The following ZNF618 variants were observed in gnomAD, a reference collection of about 807,000 sequenced individuals.
The protein encoded by ZNF618 is neural precursor cell expressed, developmentally down-regulated 10.
Under a neutral mutation model 103.0 loss-of-function variants are expected in ZNF618, and 34 were observed. That is an observed-to-expected ratio of 0.33 (90% confidence interval 0.25 to 0.44). ZNF618 has a LOEUF of 0.44. ZNF618 is among the 20% of genes least tolerant of loss of function. The pLI, the probability that ZNF618 is intolerant of heterozygous loss-of-function variation, is 1.00. For missense variants in ZNF618, 1,059 were observed against 1,295.4 expected, an observed-to-expected ratio of 0.82 and a Z score of 2.80; for synonymous variants, 551 against 542.2, an observed-to-expected ratio of 1.02 and a Z score of -0.23.
chr9:114,005,934 T>C (rs1166098125), intron 6 of ZNF618, among the ~76,000 whole-genome samples: 1 of 152,202 alleles, frequency 6.6e-6, no homozygotes, highest in East Asian at 1.9e-4. Context: ...CCTTGCCACC[T>C]CTTTCTTGGA....
intron 1 of ZNF618, among the ~76,000 whole-genome samples, chr9:113,883,997 C>A (rs978050911): frequency 1.9e-5 from 1 of 52,436 alleles, no homozygotes; most frequent in East Asian, 4.2e-4. Context: ...CCCCCCCCCC[C>A]CCCCCGCCCT....
At chr9:114,028,525 C>T (rs943764711) in intron 10 of ZNF618, 1 of 740,608 alleles carries the variant, frequency 1.4e-6, no homozygotes, top group African/African-American at 1.8e-5. Context: ...TTGGTGGCCT[C>T]CAGATAACTA....
intron 10 of ZNF618, among the ~76,000 whole-genome samples, chr9:114,024,181 G>T (rs1357442977): frequency 6.6e-6 from 1 of 151,980 alleles, no homozygotes; most frequent in East Asian, 1.9e-4. Context: ...CAAGTTCACT[G>T]ATCTTCTCTT....
intron 10 of ZNF618, among the ~76,000 whole-genome samples, chr9:114,020,542 T>G (rs557790904): frequency 4.6e-5 from 7 of 152,252 alleles, no homozygotes; most frequent in Admixed American, 4.6e-4. Context: ...TCATTCCATA[T>G]CTCCAAGTAT....
At chr9:114,032,422 G>A (rs943691151) in intron 11 of ZNF618, among the ~76,000 whole-genome samples, 6 of 152,092 alleles carry the variant, frequency 3.9e-5, no homozygotes, top group East Asian at 1.9e-4. Context: ...CCCGGCCCCC[G>A]TGCCTGGGCC....
chr9:114,052,819 G>A lies in ZNF618; in HGVS notation c.*2652G>A, dbSNP rs1292536793. ...TTGGAAAGCCATCGGACTAAGCCCA[G>A]ATGTGCATTTAGAGCACTCAGCATT... On this transcript the variant is annotated 3_prime_UTR_variant, in exon 15 of 15. Transcript: ENST00000374126. The A allele has an allele frequency of 6.6e-6, 1 of 152,230 alleles. No homozygotes were observed. Among genetic ancestry groups the A allele is most frequent in the African/African-American group, 2.4e-5 (1 of 41,448 alleles). 9.4% of individuals were successfully genotyped at this position (152,230 alleles called of 1,614,324 possible).
At position 113,902,942 on chromosome 9, in the gene ZNF618, C is replaced by T. The variant is rs1040906293; in HGVS notation, c.33+26529C>T. On this transcript the variant is annotated intron_variant, in intron 1 of 14. Coordinates refer to ENST00000374126, the MANE Select transcript of ZNF618 (RefSeq NM_001318042.2). ...CCCAAATAAAACTGCAATGAACATCCTTGTACATGTTTCCACATGGACCCC... is the reference window on the plus strand; with the variant it reads ...CCCAAATAAAACTGCAATGAACATCTTTGTACATGTTTCCACATGGACCCC... Among the ~76,000 whole-genome samples, 4 of 152,278 alleles carry T rather than the reference C, an allele frequency of 2.6e-5. No homozygotes were observed. In the East Asian group the frequency reaches 7.7e-4, roughly 29 times the overall value.
At chr9:113,984,807 A>C (rs1421238601) in intron 2 of ZNF618, among the ~76,000 whole-genome samples, 1 of 151,712 alleles carries the variant, frequency 6.6e-6, no homozygotes, top group African/African-American at 2.4e-5. Context: ...TGCTTTCTTT[A>C]CCCCCCGGCT....
chr9:113,921,366 T>A (rs1442248237), intron 1 of ZNF618, among the ~76,000 whole-genome samples: 1 of 152,270 alleles, frequency 6.6e-6, no homozygotes, highest in Non-Finnish European at 1.5e-5. Flanking sequence ...GGACTGCCTG[T>A]ATGATGTCTG....
At chr9:113,933,175 G>T (rs1833748415) in intron 1 of ZNF618, among the ~76,000 whole-genome samples, 1 of 152,190 alleles carries the variant, frequency 6.6e-6, no homozygotes, top group South Asian at 2.1e-4. Flanking sequence ...TCCTGTTGGG[G>T]CAGAGCTGGC....
Position 113,921,775 on chromosome 9 carries a change from A to G in ZNF618, c.33+45362A>G, listed in dbSNP as rs527281130. On this transcript the variant is annotated intron_variant, in intron 1 of 14. Coordinates refer to ENST00000374126, the MANE Select transcript of ZNF618 (RefSeq NM_001318042.2). ...AATCCTTTTTTTGACTACTCCTTAC[A>G]TAAAATATTTTTATGACAAAGCTTT... 2.0e-5 allele frequency among the ~76,000 whole-genome samples: 3 copies of G among 152,348 alleles called. No homozygotes were observed. The South Asian group carries it at 6.2e-4, about 32-fold the overall frequency.
At chr9:113,949,117 C>T (rs1014682000) in intron 1 of ZNF618, among the ~76,000 whole-genome samples, 1 of 152,208 alleles carries the variant, frequency 6.6e-6, no homozygotes, top group African/African-American at 2.4e-5. Flanking sequence ...AAGAGTGAGG[C>T]TGGTGCACCA....
chr9:113,950,824 G>A (rs1167904823), intron 1 of ZNF618, among the ~76,000 whole-genome samples: 1 of 152,056 alleles, frequency 6.6e-6, no homozygotes, highest in Non-Finnish European at 1.5e-5. Flanking sequence ...CTGGTGGAAG[G>A]GATGTCTAGG....
At chr9:113,922,750 ATTG>A (rs1226355606) in intron 1 of ZNF618, among the ~76,000 whole-genome samples, 1 of 152,066 alleles carries the variant, frequency 6.6e-6, no homozygotes, top group Admixed American at 6.5e-5. Flanking sequence ...CTCCAACTTT[ATTG>A]TTGTTCTTTG....
chr9:114,008,293 CT>C, intron 7 of ZNF618, 50 bp from the exon 8 acceptor site: 1 of 1,609,104 alleles, frequency 6.2e-7, no homozygotes, highest in Non-Finnish European at 8.5e-7. Flanking sequence ...ACTAACAGGG[CT>C]CCTGTTTGTT....
At chr9:114,017,716 G>C (rs1842765437) in intron 10 of ZNF618, among the ~76,000 whole-genome samples, 1 of 152,138 alleles carries the variant, frequency 6.6e-6, no homozygotes, top group South Asian at 2.1e-4. Flanking sequence ...GGAAGACTTT[G>C]GTCCAAACAG....
At chr9:114,008,310 C>T (rs776707749) in intron 7 of ZNF618, 34 bp from the exon 8 acceptor site, 32 of 1,612,356 alleles carry the variant, frequency 2.0e-5, no homozygotes, top group Non-Finnish European at 2.5e-5. Context: ...TTGTTTCTTT[C>T]CTTCTGCGGC....
At chr9:113,940,924 G>T (rs1409113384) in intron 1 of ZNF618, among the ~76,000 whole-genome samples, 1 of 152,018 alleles carries the variant, frequency 6.6e-6, no homozygotes. Context: ...GTGATTTCTC[G>T]TTTAAGTGTC....
rs12378906 is a variant in ZNF618, at chr9:114,047,924, G to A, written c.1278G>A (p.Gln426=). 120,451 of 1,602,692 alleles carry A rather than the reference G, an allele frequency of 0.075. 4,957 individuals carry two copies. The highest frequency in any genetic ancestry group is 0.14 in the Middle Eastern group (858 of 6,042). The change falls in exon 14 of 15, where the codon CAG becomes CAA. Residue 426 remains glutamine (Q), a synonymous_variant. Coordinates refer to ENST00000374126, the MANE Select transcript of ZNF618 (RefSeq NM_001318042.2). ...ADNENNIASN[Q]SRSPPAVVEE... is the part of the protein sequence containing the mutation. ...ATGAAAACAACATTGCCTCCAACCA[G>A]TCCCGATCGCCACCTGCTGTTGTAG...
Sources: allele counts gnomAD v4.1 joint callset (sites outside exome capture counted in the v4.1 genomes callset), GRCh38; gene constraint gnomAD v4.1.1; transcripts MANE v1.5; gene names NCBI Gene and HGNC (gene_info 2026-07-23, HGNC 2026-07-21).